The following ADAM28 variants were observed in gnomAD, a reference collection of about 807,000 sequenced individuals.
ADAM28 encodes the protein ADAM metallopeptidase domain 28.
Under a neutral mutation model 101.2 loss-of-function variants are expected in ADAM28, and 105 were observed. The observed-to-expected ratio is 1.04, with a 90% CI of 0.89 to 1.22. The LOEUF (loss-of-function observed/expected upper bound fraction) is 1.22, where lower values mean the gene tolerates loss of function less well. Ranked by LOEUF, ADAM28 falls within the 50% of genes most tolerant of loss-of-function variation. The probability of loss-of-function intolerance (pLI) is 0.00; values close to 1 mark genes in which losing one functional copy is unlikely to be tolerated. For missense variants in ADAM28, 1,028 were observed against 945.4 expected, an observed-to-expected ratio of 1.09 and a Z score of -1.15; for synonymous variants, 322 against 310.6, an observed-to-expected ratio of 1.04 and a Z score of -0.39.
chr8:24,351,229 C>G lies in ADAM28; in HGVS notation c.2100-3C>G, dbSNP rs757556110. 1.3e-6 allele frequency: 2 copies of G among 1,579,348 alleles called. No individual in the cohort carries two copies. The highest frequency in any genetic ancestry group is 1.7e-6 in the Non-Finnish European group (2 of 1,165,092). On this transcript the variant is annotated splice_region_variant and splice_polypyrimidine_tract_variant and intron_variant, in intron 19 of 22. Transcript: ENST00000265769. ...ATTGATATCATGTGTTTCTCTCTTA[C>G]AGGCCACTATCTACCACTGGCACCA...
Position 24,354,507 on chromosome 8 carries a change from C to A in ADAM28, c.*103C>A. On this transcript the variant is annotated 3_prime_UTR_variant, in exon 23 of 23. Transcript: ENST00000265769. ...TATCTATCTCACCAGTATTTGCTCT[C>A]GACTCAAGAAGGTTAACATTTTCTG... is the stretch of plus-strand genomic sequence containing the variant. 1.5e-6 allele frequency: 2 copies of A among 1,354,502 alleles called. No homozygotes were observed. The highest frequency in any genetic ancestry group is 2.6e-5 in the East Asian group (1 of 38,416). 83.9% of individuals were successfully genotyped at this position (1,354,502 alleles called of 1,614,324 possible).
chr8:24,305,076 G>A (rs1450077923), intron 2 of ADAM28, among the ~76,000 whole-genome samples: 1 of 151,360 alleles, frequency 6.6e-6, no homozygotes, highest in Non-Finnish European at 1.5e-5. Context: ...ACTTCAGGTT[G>A]CTTTTCTTAA....
At chr8:24,315,991 G>A (rs1811108319) in intron 6 of ADAM28, among the ~76,000 whole-genome samples, 1 of 151,808 alleles carries the variant, frequency 6.6e-6, no homozygotes, top group African/African-American at 2.4e-5. Flanking sequence ...GTTAAATAAT[G>A]GTGTGGAGTT....
intron 22 of ADAM28, among the ~76,000 whole-genome samples, chr8:24,354,075 C>T (rs1427778865): frequency 6.6e-6 from 1 of 151,964 alleles, no homozygotes; most frequent in African/African-American, 2.4e-5. Context: ...GAAATATTCC[C>T]TAAGGATGAA....
intron 4 of ADAM28, 86 bp downstream of exon 4, chr8:24,310,327 G>A (rs1810284034): frequency 1.7e-6 from 2 of 1,204,130 alleles, no homozygotes; most frequent in African/African-American, 1.5e-5. Context: ...TAATAGAAGT[G>A]AAACTGCATT....
Position 24,351,269 on chromosome 8 carries a change from A to G in ADAM28, c.2137A>G (p.Lys713Glu). 2 of 1,611,430 alleles carry G rather than the reference A, an allele frequency of 1.2e-6. No homozygotes were observed. The highest frequency in any genetic ancestry group is 4.5e-5 in the East Asian group (2 of 44,750). ...STTGTRPHKQ[K>E]RKPQMVKAVQ... ...CACTGGCACCAGGCCACACAAACAG[A>G]AGAGGAAACCCCAGATGGTAAAGGC... Residue 713 changes from lysine to glutamate, a missense_variant, in exon 20 of 23, where the codon AAG becomes GAG. Lys to Glu is a moderately conservative substitution (Grantham distance 56, BLOSUM62 1). Coordinates refer to ENST00000265769, the MANE Select transcript of ADAM28 (RefSeq NM_014265.6).
At chr8:24,341,494 C>G in intron 15 of ADAM28, 104 bp from the exon 16 acceptor site, 1 of 1,211,948 alleles carries the variant, frequency 8.3e-7, no homozygotes, top group South Asian at 1.5e-5. Context: ...AACTAAGAGT[C>G]TCGGCTACAG....
At chr8:24,351,770 C>CATTGGTAATCATTTCATTTATAAT (rs1816182483) in intron 20 of ADAM28, among the ~76,000 whole-genome samples, 1 of 152,092 alleles carries the variant, frequency 6.6e-6, no homozygotes, top group South Asian at 2.1e-4. Context: ...TCATTTATAA[C>CATTGGTAATCATTTCATTTATAAT]ATTGGTAATC....
At chr8:24,325,885 A>AC (rs1407349784) in intron 9 of ADAM28, among the ~76,000 whole-genome samples, 9,844 of 141,962 alleles carry the variant, frequency 0.069, 515 homozygotes, top group East Asian at 0.17. Flanking sequence ...AAAAAAAAAA[A>AC]AAAAAAAAAA....
intron 2 of ADAM28, chr8:24,300,783 C>G (rs546035650): frequency 6.6e-6 from 1 of 152,306 alleles, no homozygotes; most frequent in East Asian, 1.9e-4. Flanking sequence ...ATCTCTCTAT[C>G]TATCCATCCT....
intron 8 of ADAM28, 93 bp from the exon 9 acceptor site, chr8:24,323,741 G>C: frequency 7.8e-7 from 1 of 1,277,570 alleles, no homozygotes; most frequent in Non-Finnish European, 1.1e-6. Flanking sequence ...ATACTGCTGT[G>C]ATGAATGTTT....
chr8:24,321,461 A>G (rs1811870327), intron 8 of ADAM28, 172 bp downstream of exon 8: 2 of 660,332 alleles, frequency 3.0e-6, no homozygotes, highest in East Asian at 2.8e-5. Flanking sequence ...GAACATGAAT[A>G]TTAATACCAC....
rs376885298 is a variant in ADAM28, at chr8:24,353,523, G to A, written c.2245-247G>A. Among the ~76,000 whole-genome samples, 94 of 152,062 alleles carry A rather than the reference G, an allele frequency of 6.2e-4. 1 individual carries two copies. In the South Asian group the frequency reaches 0.01, roughly 16 times the overall value. ...TTCTTCAACTGTTATTTGTAGTATC[G>A]CCCAAGACGAGTGACACTGACAGGA... On this transcript the variant is annotated intron_variant, in intron 21 of 22. Transcript: ENST00000265769.
intron 13 of ADAM28, among the ~76,000 whole-genome samples, chr8:24,333,817 G>A (rs1413808112): frequency 6.6e-6 from 1 of 152,076 alleles, no homozygotes; most frequent in Non-Finnish European, 1.5e-5. Context: ...TTCAAGTTTA[G>A]TATTTAACTT....
At chr8:24,311,712 G>A (rs1467458261) in intron 5 of ADAM28, among the ~76,000 whole-genome samples, 1 of 152,026 alleles carries the variant, frequency 6.6e-6, no homozygotes, top group East Asian at 1.9e-4. Context: ...TAGGTAATGG[G>A]AGCTGCTCTC....
intron 2 of ADAM28, chr8:24,308,535 T>G: frequency 2.3e-6 from 1 of 440,694 alleles, no homozygotes; most frequent in Non-Finnish European, 4.6e-6. Flanking sequence ...CCATATTTGG[T>G]ATCATTCTCA....
rs945395909 is a variant in ADAM28, at chr8:24,358,558, T to A, written c.*4154T>A. 5 of 152,214 alleles carry A rather than the reference T, an allele frequency of 3.3e-5. No homozygotes were observed. Among genetic ancestry groups the A allele is most frequent in the African/African-American group, 4.8e-5 (2 of 41,460 alleles). 9.4% of individuals were successfully genotyped at this position (152,214 alleles called of 1,614,324 possible). ...TCAGGAGAAAACACCTCTAACAAAA[T>A]CTGTAGCCACGTTGGCACATCTGCC... On this transcript the variant is annotated 3_prime_UTR_variant, in exon 23 of 23. Transcript: ENST00000265769.
chr8:24,304,144 C>G (rs1436192781), intron 2 of ADAM28, among the ~76,000 whole-genome samples: 1 of 150,880 alleles, frequency 6.6e-6, no homozygotes, highest in Non-Finnish European at 1.5e-5. Flanking sequence ...AAGTGATTTC[C>G]TCACGACTGT....
intron 19 of ADAM28, among the ~76,000 whole-genome samples, 174 bp downstream of exon 19, chr8:24,350,146 C>T (rs181678949): frequency 6.6e-6 from 1 of 152,192 alleles, no homozygotes; most frequent in Non-Finnish European, 1.5e-5. Flanking sequence ...CTGAGAAATC[C>T]TTCACATCTA....
Sources: gnomAD v4.1 joint callset for allele counts (sites outside exome capture counted in the v4.1 genomes callset) on GRCh38, gnomAD v4.1.1 for gene constraint, MANE v1.5 for transcripts, NCBI Gene and HGNC (gene_info 2026-07-23, HGNC 2026-07-21) for gene names.